The following COX7B2 variants were observed in gnomAD, a reference collection of about 807,000 sequenced individuals.
The protein encoded by COX7B2 is cytochrome c oxidase subunit 7B2, mitochondrial.
For synonymous variants in COX7B2, 37 were observed against 32.1 expected, an observed-to-expected ratio of 1.15 and a Z score of -0.51; for missense variants, 109 against 95.9, an observed-to-expected ratio of 1.14 and a Z score of -0.57.
intron 2 of COX7B2, among the ~76,000 whole-genome samples, chr4:46,764,245 AT>A (rs1716388777): frequency 6.6e-6 from 1 of 152,200 alleles, no homozygotes; most frequent in African/African-American, 2.4e-5. Context: ...ATTTAGAGAT[AT>A]AAGAAGAAAA....
chr4:46,796,008 TG>T (rs1718313078), intron 2 of COX7B2, among the ~76,000 whole-genome samples: 1 of 83,252 alleles, frequency 1.2e-5, no homozygotes, highest in Non-Finnish European at 2.3e-5. Flanking sequence ...GTTTGTCTGT[TG>T]TTGGTGTATA....
intron 2 of COX7B2, among the ~76,000 whole-genome samples, chr4:46,804,057 T>C (rs1413464934): frequency 6.6e-6 from 1 of 152,154 alleles, no homozygotes; most frequent in African/African-American, 2.4e-5. Flanking sequence ...TTCTTTTTTC[T>C]GGTGGGTTCG....
At chr4:46,895,211 G>T (rs1577709767) in intron 1 of COX7B2, among the ~76,000 whole-genome samples, 1 of 152,010 alleles carries the variant, frequency 6.6e-6, no homozygotes. Context: ...AACACTATTT[G>T]CAATAGCAAA....
chr4:46,761,751 CT>C, intron 2 of COX7B2, among the ~76,000 whole-genome samples: 1 of 152,040 alleles, frequency 6.6e-6, no homozygotes, highest in Middle Eastern at 3.4e-3. Context: ...CTTCTCAGAC[CT>C]TTGAAAGTAC....
intron 1 of COX7B2, among the ~76,000 whole-genome samples, chr4:46,882,895 T>C (rs1284008264): frequency 1.3e-5 from 2 of 152,126 alleles, no homozygotes; most frequent in African/African-American, 4.8e-5. Flanking sequence ...TCATTATCAC[T>C]ATATATCTAC....
intron 2 of COX7B2, among the ~76,000 whole-genome samples, chr4:46,760,357 C>T (rs1716073756): frequency 6.6e-6 from 1 of 152,102 alleles, no homozygotes; most frequent in African/African-American, 2.4e-5. Context: ...CACATATACA[C>T]CATGGAATAC....
rs755738219 is a variant in COX7B2, at chr4:46,734,907, G to C, written c.*40C>G. ...CAGTAGAGTGCTTACATGACAAGTT[G>C]GTTTTTTAAACAATTCTGTCATTAC... On this transcript the variant is annotated 3_prime_UTR_variant, in exon 3 of 3. Transcript: ENST00000355591. 1 of 1,610,424 alleles carries C rather than the reference G, an allele frequency of 6.2e-7. No individual in the cohort carries two copies. Among genetic ancestry groups the C allele is most frequent in the Non-Finnish European group, 8.5e-7 (1 of 1,177,286 alleles).
chr4:46,808,059 G>A (rs185679342), intron 2 of COX7B2, among the ~76,000 whole-genome samples: 14 of 151,818 alleles, frequency 9.2e-5, no homozygotes, highest in South Asian at 8.3e-4. Context: ...TTTTTGTGAA[G>A]AACATTATTG....
At chr4:46,868,321 A>G (rs1717793134) in intron 1 of COX7B2, among the ~76,000 whole-genome samples, 1 of 151,794 alleles carries the variant, frequency 6.6e-6, no homozygotes, top group Admixed American at 6.6e-5. Flanking sequence ...CAAAAAACCA[A>G]CTCCTGGATA....
chr4:46,756,572 A>T lies in COX7B2; in HGVS notation c.-49-21331T>A, dbSNP rs190339626. Among the ~76,000 whole-genome samples, 5 of 152,180 alleles carry T rather than the reference A, an allele frequency of 3.3e-5. No homozygotes were observed. The East Asian group carries it at 9.7e-4, about 29-fold the overall frequency. ...CACCTGACAAACGACTAATATCTAGAATCTACAAAGAACTCAAGCAACTCA... is the reference window on the plus strand; with the variant it reads ...CACCTGACAAACGACTAATATCTAGTATCTACAAAGAACTCAAGCAACTCA... On this transcript the variant is annotated intron_variant, in intron 2 of 2. Transcript: ENST00000355591.
At chr4:46,838,373 T>A (rs1160826740) in intron 2 of COX7B2, among the ~76,000 whole-genome samples, 1 of 152,090 alleles carries the variant, frequency 6.6e-6, no homozygotes, top group African/African-American at 2.4e-5. Context: ...ATATATATAT[T>A]TCAGAAAATC....
chr4:46,766,609 G>A (rs1716553327), intron 2 of COX7B2, among the ~76,000 whole-genome samples: 1 of 151,832 alleles, frequency 6.6e-6, no homozygotes, highest in South Asian at 2.1e-4. Flanking sequence ...GGCTGAGGCA[G>A]GAGAATCTCT....
intron 1 of COX7B2, among the ~76,000 whole-genome samples, chr4:46,908,871 C>T (rs1720568830): frequency 6.6e-6 from 1 of 151,820 alleles, no homozygotes; most frequent in Admixed American, 6.6e-5. Flanking sequence ...GAAACCCCGT[C>T]TCTACTAAAA....
At chr4:46,815,110 C>T (rs1473181399) in intron 2 of COX7B2, among the ~76,000 whole-genome samples, 2 of 149,902 alleles carry the variant, frequency 1.3e-5, no homozygotes, top group Admixed American at 6.7e-5. Flanking sequence ...TGCTTGAGCC[C>T]GGGAGGTGGA....
intron 2 of COX7B2, among the ~76,000 whole-genome samples, chr4:46,802,350 A>T (rs1444962822): frequency 1.3e-5 from 2 of 152,160 alleles, no homozygotes; most frequent in African/African-American, 4.8e-5. Context: ...GAATCATGTT[A>T]AACATCCTGG....
intron 2 of COX7B2, among the ~76,000 whole-genome samples, chr4:46,770,314 A>G (rs60807346): frequency 0.15 from 22,891 of 152,090 alleles, 2,209 homozygotes; most frequent in Admixed American, 0.3. Context: ...GTACATTGTA[A>G]ACTATGAAAT....
intron 1 of COX7B2, among the ~76,000 whole-genome samples, chr4:46,907,401 C>T (rs997170944): frequency 1.1e-4 from 17 of 152,100 alleles, no homozygotes; most frequent in South Asian, 4.1e-4. Flanking sequence ...TTTTAAACTA[C>T]GCTAGCACCT....
intron 1 of COX7B2, among the ~76,000 whole-genome samples, chr4:46,873,768 C>T (rs1250323394): frequency 1.3e-5 from 2 of 151,972 alleles, no homozygotes; most frequent in African/African-American, 4.8e-5. Flanking sequence ...TGTGCTGCAC[C>T]TGTTAACTCA....
intron 2 of COX7B2, among the ~76,000 whole-genome samples, chr4:46,809,960 C>T (rs1248183478): frequency 5.3e-5 from 8 of 152,010 alleles, no homozygotes; most frequent in South Asian, 2.1e-4. Flanking sequence ...GATTAGGTCA[C>T]CTTGATAAAC....
Sources: gnomAD v4.1 joint callset for allele counts (sites outside exome capture counted in the v4.1 genomes callset) on GRCh38, gnomAD v4.1.1 for gene constraint, MANE v1.5 for transcripts, NCBI Gene and HGNC (gene_info 2026-07-23, HGNC 2026-07-21) for gene names.